The following DAZL variants were observed in gnomAD, a reference collection of about 807,000 sequenced individuals.
DAZL encodes the protein deleted in azoospermia like.
DAZL carries 4 observed loss-of-function variants against 45.0 expected under a neutral mutation model. That is an observed-to-expected ratio of 0.09 (90% CI 0.04 to 0.20). The LOEUF is 0.20. DAZL is among the 10% of genes least tolerant of loss of function. The pLI, the probability that DAZL is intolerant of heterozygous loss-of-function variation, is 1.00. For synonymous variants in DAZL, 122 were observed against 112.4 expected (o/e 1.09, Z -0.54); for missense variants, 326 against 351.3 (o/e 0.93, Z 0.58).
intron 4 of DAZL, 51 bp from the exon 5 acceptor site, chr3:16,597,102 C>G (rs754645665): frequency 2.0e-5 from 31 of 1,553,344 alleles, no homozygotes; most frequent in Non-Finnish European, 2.7e-5. Flanking sequence ...GTCTTTACTT[C>G]CAAGACTTGG....
intron 8 of DAZL, among the ~76,000 whole-genome samples, chr3:16,594,045 T>C (rs750542229): frequency 2.6e-5 from 4 of 152,202 alleles, no homozygotes; most frequent in African/African-American, 7.2e-5. Flanking sequence ...TTAACACTTA[T>C]TATATCCTTC....
rs1411004723 is a variant in DAZL at position 16,597,055 on chromosome 3, A to C, written c.295-4T>G. Reference sequence around the variant, plus strand: ...TACCATGGAAATTTATCTGTGACTGAAAATAAAACAGTAACAAAACTAGAA... The same window carrying C: ...TACCATGGAAATTTATCTGTGACTGCAAATAAAACAGTAACAAAACTAGAA... On this transcript the variant is annotated splice_region_variant and splice_polypyrimidine_tract_variant and intron_variant, in intron 4 of 10. Transcript: ENST00000399444. 1.9e-6 allele frequency: 3 copies of C among 1,610,936 alleles called. No individual in the cohort carries two copies. Among genetic ancestry groups the C allele is most frequent in the Non-Finnish European group, 2.5e-6 (3 of 1,178,984 alleles).
chr3:16,604,754 C>T, intron 1 of DAZL: 1 of 1,361,738 alleles, frequency 7.3e-7, no homozygotes, highest in Non-Finnish European at 9.4e-7. Context: ...GAGAGCGCGC[C>T]AGAAATGAGG....
intron 7 of DAZL, 58 bp downstream of exon 7, chr3:16,595,253 AAAC>A: frequency 1.0e-6 from 1 of 953,510 alleles, no homozygotes; most frequent in South Asian, 1.7e-5. Flanking sequence ...CAATTTGTAT[AAAC>A]AAGTTAAAGG....
intron 1 of DAZL, among the ~76,000 whole-genome samples, chr3:16,603,303 TTAA>T (rs1694720746): frequency 6.6e-6 from 1 of 152,174 alleles, no homozygotes; most frequent in East Asian, 1.9e-4. Flanking sequence ...TCTCAAGGAA[TTAA>T]TAATACAAGC....
intron 1 of DAZL, chr3:16,604,365 G>A: frequency 7.6e-7 from 1 of 1,315,208 alleles, no homozygotes; most frequent in Admixed American, 2.1e-5. Context: ...AAGGATCCTG[G>A]TTTATCGAGA....
rs112319264 is a variant in DAZL, at chr3:16,593,618, A to G, written c.735+37T>C. ...AACCATTATTAAAACTAGAAAAAAT[A>G]AATATGAAATATATATAAACAAAAT... On this transcript the variant is annotated intron_variant, in intron 9 of 10. Coordinates refer to ENST00000399444, the MANE Select transcript of DAZL (RefSeq NM_001351.4). The G allele has an allele frequency of 2.8e-5, 35 of 1,271,378 alleles. 1 individual carries two copies. The highest frequency in any genetic ancestry group is 1.8e-4 in the African/African-American group (12 of 66,376). 78.8% of individuals were successfully genotyped at this position (1,271,378 alleles called of 1,614,324 possible).
At chr3:16,594,443 T>C in intron 8 of DAZL, 90 bp downstream of exon 8, 1 of 971,138 alleles carries the variant, frequency 1.0e-6, no homozygotes, top group East Asian at 2.7e-5. Flanking sequence ...TATAGGCATA[T>C]ATGACATGGA....
chr3:16,602,672 T>C (rs1167207793), intron 1 of DAZL, among the ~76,000 whole-genome samples: 1 of 152,216 alleles, frequency 6.6e-6, no homozygotes, highest in Non-Finnish European at 1.5e-5. Flanking sequence ...GCAAGAATAC[T>C]TCACAGGATA....
chr3:16,593,321 A>G (rs1292741558), intron 9 of DAZL, among the ~76,000 whole-genome samples: 1 of 152,208 alleles, frequency 6.6e-6, no homozygotes, highest in Admixed American at 6.5e-5. Flanking sequence ...CAACCTTTAC[A>G]TTAACTGCTG....
At chr3:16,592,293 A>C in intron 9 of DAZL, 145 bp from the exon 10 acceptor site, 14 of 1,271,860 alleles carry the variant, frequency 1.1e-5, no homozygotes, top group Non-Finnish European at 1.5e-5. Flanking sequence ...GTGGTGGCTC[A>C]CGCCTGTAAT....
At chr3:16,594,633 T>C (rs200094973) in intron 7 of DAZL, 50 bp from the exon 8 acceptor site, 6 of 1,425,002 alleles carry the variant, frequency 4.2e-6, no homozygotes, top group Non-Finnish European at 5.7e-6. Flanking sequence ...TTCCTACAAA[T>C]TTTCAAAAAC....
rs1575418224 is a variant in DAZL, at chr3:16,597,585, T to C, written c.243-44A>G. 8 of 1,205,584 alleles carry C rather than the reference T, an allele frequency of 6.6e-6. No homozygotes were observed. In the East Asian group the frequency reaches 1.9e-4, roughly 28 times the overall value. The allele number at this position is 1,205,584 out of a possible 1,614,324, so 74.7% of individuals were successfully genotyped here. On this transcript the variant is annotated intron_variant, in intron 3 of 10. Transcript: ENST00000399444. ...GAAGTATAAAATCACCATCATACAG[T>C]ACATGGTTCAGAACTTCTACTATAT... is the stretch of plus-strand genomic sequence containing the variant.
chr3:16,605,348 A>G lies in DAZL; in HGVS notation c.-143T>C. ...CAAAGGAGCCAAAGATGAAGAGAAA[A>G]GGAAAACCAAGAGCGGGTGACAAGG... is the stretch of plus-strand genomic sequence containing the variant. On this transcript the variant is annotated 5_prime_UTR_variant, in exon 1 of 11. Coordinates refer to ENST00000399444, the MANE Select transcript of DAZL (RefSeq NM_001351.4). 9.8e-7 allele frequency: 1 copy of G among 1,018,572 alleles called. No individual in the cohort carries two copies. The allele number at this position is 1,018,572 out of a possible 1,614,324, so 63.1% of individuals were successfully genotyped here. A position where few individuals can be genotyped will look rare whatever the true frequency, so the allele number is the denominator to read the frequency against.
At chr3:16,595,269 T>C (rs1054808096) in intron 7 of DAZL, 45 bp downstream of exon 7, 9 of 1,123,840 alleles carry the variant, frequency 8.0e-6, no homozygotes, top group Non-Finnish European at 1.0e-5. Flanking sequence ...GTTAAAGGCC[T>C]CAATAAAATC....
chr3:16,601,898 C>G (rs896427836), intron 1 of DAZL, among the ~76,000 whole-genome samples: 1 of 152,192 alleles, frequency 6.6e-6, no homozygotes, highest in African/African-American at 2.4e-5. Flanking sequence ...CCTGGGATGT[C>G]AGCTTCTTTC....
intron 9 of DAZL, 117 bp downstream of exon 9, chr3:16,593,538 T>C: frequency 1.5e-5 from 10 of 681,714 alleles, no homozygotes; most frequent in Non-Finnish European, 2.0e-5. Context: ...CTAACTCTTC[T>C]CTAGTTAACC....
At chr3:16,593,486 T>C (rs1383212694) in intron 9 of DAZL, among the ~76,000 whole-genome samples, 169 bp downstream of exon 9, 2 of 152,224 alleles carry the variant, frequency 1.3e-5, no homozygotes, top group South Asian at 4.1e-4. Flanking sequence ...ATCTGCTTTC[T>C]GTATCTAAAA....
intron 1 of DAZL, among the ~76,000 whole-genome samples, chr3:16,604,969 G>A (rs1474738184): frequency 1.3e-5 from 2 of 152,216 alleles, no homozygotes; most frequent in Non-Finnish European, 2.9e-5. Context: ...GCGTCCTCGG[G>A]GCCCACCCCC....
Sources: allele counts gnomAD v4.1 joint callset (sites outside exome capture counted in the v4.1 genomes callset), GRCh38; gene constraint gnomAD v4.1.1; transcripts MANE v1.5; gene names NCBI Gene and HGNC (gene_info 2026-07-23, HGNC 2026-07-21).